Variants in NAALADL2 observed in about 807,000 individuals in gnomAD.
The protein encoded by NAALADL2 is inactive N-acetylated-alpha-linked acidic dipeptidase-like protein 2.
Under a neutral mutation model 87.2 loss-of-function variants are expected in NAALADL2, and 76 were observed. The ratio of observed to expected loss-of-function variants is 0.87; its 90% CI spans 0.72 to 1.05. NAALADL2 has a LOEUF of 1.05. Among genes scored for constraint, NAALADL2 ranks in the 50% least tolerant of loss-of-function variants. The pLI is 0.00. For missense variants in NAALADL2, 1,089 were observed against 945.8 expected (o/e 1.15, Z -1.99); for synonymous variants, 354 against 331.0 (o/e 1.07, Z -0.75).
chr3:175,121,242 C>T (rs192801630), intron 2 of NAALADL2, among the ~76,000 whole-genome samples: 1 of 151,982 alleles, frequency 6.6e-6, no homozygotes, highest in Admixed American at 6.6e-5. Flanking sequence ...ATGGCTGGGT[C>T]ATCACTGATT....
At chr3:175,237,759 A>G (rs1746153627) in intron 3 of NAALADL2, among the ~76,000 whole-genome samples, 1 of 152,176 alleles carries the variant, frequency 6.6e-6, no homozygotes, top group Non-Finnish European at 1.5e-5. Context: ...GTATGTATCT[A>G]TAACAATGGC....
At chr3:174,645,128 G>A (rs184990162) in intron 2 of NAALADL2, among the ~76,000 whole-genome samples, 2 of 152,214 alleles carry the variant, frequency 1.3e-5, no homozygotes, top group East Asian at 1.9e-4. Context: ...GGCTAATTTC[G>A]TACAGCTGGA....
intron 1 of NAALADL2, among the ~76,000 whole-genome samples, chr3:174,997,897 G>T (rs1198045400): frequency 6.6e-6 from 1 of 151,988 alleles, no homozygotes; most frequent in Non-Finnish European, 1.5e-5. Context: ...AGAAACCAAA[G>T]AAGAAATAAA....
chr3:174,990,978 T>C (rs570372962), intron 1 of NAALADL2, among the ~76,000 whole-genome samples: 2 of 152,316 alleles, frequency 1.3e-5, no homozygotes, highest in Middle Eastern at 3.4e-3. Flanking sequence ...AAAATTCATA[T>C]ATTACAGTGA....
chr3:175,323,428 T>C (rs1760205161), intron 4 of NAALADL2, among the ~76,000 whole-genome samples: 1 of 151,276 alleles, frequency 6.6e-6, no homozygotes, highest in Non-Finnish European at 1.5e-5. Flanking sequence ...GCATGGCACA[T>C]GTATACATAT....
chr3:175,656,477 G>A (rs1458182200), intron 11 of NAALADL2, among the ~76,000 whole-genome samples: 2 of 152,022 alleles, frequency 1.3e-5, no homozygotes, highest in Non-Finnish European at 2.9e-5. Flanking sequence ...TTCACTGTCA[G>A]GAATTTTTCT....
intron 3 of NAALADL2, among the ~76,000 whole-genome samples, chr3:174,748,096 GTGGGAGCCCAACAA>G (rs1343427776): frequency 6.6e-6 from 1 of 152,164 alleles, no homozygotes; most frequent in East Asian, 1.9e-4. Context: ...TCACTTATAA[GTGGGAGCCCAACAA>G]TGAGAACACA....
chr3:175,253,197 AGGCT>A, intron 3 of NAALADL2, among the ~76,000 whole-genome samples: 1 of 152,292 alleles, frequency 6.6e-6, no homozygotes, highest in South Asian at 2.1e-4. Context: ...TCCAAAGGTA[AGGCT>A]GACTCTCGTT....
At chr3:175,593,175 A>C (rs1044593678) in intron 10 of NAALADL2, among the ~76,000 whole-genome samples, 2 of 151,934 alleles carry the variant, frequency 1.3e-5, no homozygotes, top group African/African-American at 4.8e-5. Flanking sequence ...CTGCCCCCTC[A>C]AAAGCCCCCA....
intron 1 of NAALADL2, among the ~76,000 whole-genome samples, chr3:174,934,161 C>T (rs1337015475): frequency 6.6e-6 from 1 of 152,198 alleles, no homozygotes; most frequent in Non-Finnish European, 1.5e-5. Context: ...ACTACTACTA[C>T]TGACAACAAC....
chr3:175,759,436 C>T (rs2150144119), intron 13 of NAALADL2, among the ~76,000 whole-genome samples: 1 of 151,668 alleles, frequency 6.6e-6, no homozygotes, highest in East Asian at 2.0e-4. Flanking sequence ...CGGCTCACCA[C>T]TACCTCCACC....
At chr3:174,919,393 G>C (rs1288597086) in intron 1 of NAALADL2, among the ~76,000 whole-genome samples, 1 of 152,052 alleles carries the variant, frequency 6.6e-6, no homozygotes, top group African/African-American at 2.4e-5. Context: ...TAAATCTTTT[G>C]TTGTCATTTC....
chr3:174,956,045 CA>C (rs1376550422), intron 1 of NAALADL2, among the ~76,000 whole-genome samples: 4 of 152,020 alleles, frequency 2.6e-5, no homozygotes, highest in Non-Finnish European at 4.4e-5. Context: ...ATGATATTCA[CA>C]AAATATGATA....
chr3:175,685,608 A>T (rs536195332), intron 11 of NAALADL2, among the ~76,000 whole-genome samples: 84 of 152,138 alleles, frequency 5.5e-4, no homozygotes, highest in African/African-American at 1.9e-3. Context: ...CTGCAGGGTG[A>T]GTCAGCAAGC....
chr3:174,998,953 T>C (rs961531073), intron 1 of NAALADL2, among the ~76,000 whole-genome samples: 4 of 152,184 alleles, frequency 2.6e-5, no homozygotes, highest in Non-Finnish European at 5.9e-5. Context: ...ATTGAACTTT[T>C]ATCAGAAAAT....
chr3:175,413,033 C>T (rs1278500250), intron 5 of NAALADL2, among the ~76,000 whole-genome samples: 1 of 149,986 alleles, frequency 6.7e-6, no homozygotes, highest in African/African-American at 2.4e-5. Context: ...ATTCTCCTGC[C>T]TCAGCTTCCC....
intron 1 of NAALADL2, among the ~76,000 whole-genome samples, chr3:174,537,556 G>A (rs958975307): frequency 2.0e-5 from 3 of 152,276 alleles, no homozygotes; most frequent in East Asian, 1.9e-4. Flanking sequence ...GGAGTTTAAA[G>A]TCTAGTGAGA....
At chr3:174,865,952 G>A (rs9848545) in intron 1 of NAALADL2, among the ~76,000 whole-genome samples, 66,869 of 151,572 alleles carry the variant, frequency 0.44, 15,070 homozygotes, top group African/African-American at 0.52. Flanking sequence ...ACATAATAGA[G>A]ATAAGATTAA....
intron 1 of NAALADL2, among the ~76,000 whole-genome samples, chr3:175,077,557 A>G (rs1304737278): frequency 6.6e-6 from 1 of 152,224 alleles, no homozygotes; most frequent in Non-Finnish European, 1.5e-5. Flanking sequence ...AAGGCATTTA[A>G]AATATTTAAA....
Sources: gnomAD v4.1 joint callset for allele counts (sites outside exome capture counted in the v4.1 genomes callset) on GRCh38, gnomAD v4.1.1 for gene constraint, MANE v1.5 for transcripts, NCBI Gene and HGNC (gene_info 2026-07-23, HGNC 2026-07-21) for gene names.